The following MRC1 variants were observed in gnomAD, a reference collection of about 807,000 sequenced individuals.
The protein encoded by MRC1 is mannose receptor C-type 1.
A neutral mutation model predicts 102.9 loss-of-function variants in MRC1; 62 were observed. That is an observed-to-expected ratio of 0.60 (90% CI 0.49 to 0.74). The LOEUF is 0.74. Ranked by LOEUF, MRC1 falls within the 30% of genes least tolerant of loss-of-function variation. The pLI is 0.00. For missense variants in MRC1, 1,237 were observed against 862.8 expected (o/e 1.43, Z -5.43); for synonymous variants, 457 against 298.4 (o/e 1.53, Z -5.48).
chr10:17,873,129 C>T (rs1226210052), intron 15 of MRC1, among the ~76,000 whole-genome samples: 1 of 152,102 alleles, frequency 6.6e-6, no homozygotes, highest in East Asian at 1.9e-4. Flanking sequence ...AGCTAGGTAA[C>T]CTGAGTCCCT....
At chr10:17,876,975 T>C (rs1833445379) in intron 17 of MRC1, among the ~76,000 whole-genome samples, 1 of 151,952 alleles carries the variant, frequency 6.6e-6, no homozygotes, top group Non-Finnish European at 1.5e-5. Flanking sequence ...TCATTTGATT[T>C]ATAAAGGTAC....
intron 23 of MRC1, among the ~76,000 whole-genome samples, chr10:17,895,151 G>T (rs1180485894): frequency 6.6e-6 from 1 of 152,076 alleles, no homozygotes; most frequent in Non-Finnish European, 1.5e-5. Flanking sequence ...AGAGGCTGAG[G>T]CTACAGTGAG....
At chr10:17,836,703 G>T (rs1162821959) in intron 4 of MRC1, among the ~76,000 whole-genome samples, 2 of 152,048 alleles carry the variant, frequency 1.3e-5, no homozygotes, top group African/African-American at 4.8e-5. Context: ...GGGCACGGTG[G>T]CAGGCTCCTG....
rs913283527 is a variant in MRC1 at position 17,835,090 on chromosome 10, C to T, written c.802+1251C>T. On this transcript the variant is annotated intron_variant, in intron 4 of 29. Transcript: ENST00000569591. ...CCGGTCTTGCATTTTGCGGTCACAA[C>T]AAAAGAAAAGTCAGTCTTGGATTCC... 2.5e-3 allele frequency among the ~76,000 whole-genome samples: 388 copies of T among 152,328 alleles called. 2 individuals carry two copies. The highest frequency in any genetic ancestry group is 9.1e-3 in the African/African-American group (377 of 41,558).
intron 14 of MRC1, among the ~76,000 whole-genome samples, chr10:17,871,462 C>T (rs1833353641): frequency 1.3e-5 from 2 of 152,302 alleles, no homozygotes; most frequent in South Asian, 2.1e-4. Flanking sequence ...AGGACCTAGA[C>T]CCAGGGCCTC....
At chr10:17,882,983 T>C (rs1212894906) in intron 21 of MRC1, among the ~76,000 whole-genome samples, 3 of 152,200 alleles carry the variant, frequency 2.0e-5, no homozygotes, top group African/African-American at 7.2e-5. Flanking sequence ...GCACACGTAG[T>C]TGAATTCTTA....
At chr10:17,874,420 GTTAC>G (rs1833398060) in intron 16 of MRC1, among the ~76,000 whole-genome samples, 1 of 152,034 alleles carries the variant, frequency 6.6e-6, no homozygotes, top group Admixed American at 6.6e-5. Context: ...AAGGATACTT[GTTAC>G]TACATTTAGG....
At chr10:17,864,639 G>A (rs1283620317) in intron 11 of MRC1, among the ~76,000 whole-genome samples, 2 of 151,832 alleles carry the variant, frequency 1.3e-5, no homozygotes, top group South Asian at 2.1e-4. Context: ...GACTAGCCTG[G>A]CCAACATAGG....
chr10:17,821,041 G>A (rs940446358), intron 1 of MRC1, among the ~76,000 whole-genome samples: 4 of 152,112 alleles, frequency 2.6e-5, no homozygotes, highest in African/African-American at 7.2e-5. Flanking sequence ...ATTGGGATAG[G>A]TATTGCATGT....
chr10:17,900,023 G>A (rs997062498), intron 24 of MRC1, among the ~76,000 whole-genome samples: 45 of 151,648 alleles, frequency 3.0e-4, no homozygotes, highest in African/African-American at 9.4e-4. Flanking sequence ...ATTTGAACCC[G>A]GGAGGTGGAG....
chr10:17,893,125 CTCAGCCCTTCCT>C (rs1833703969), intron 22 of MRC1, among the ~76,000 whole-genome samples: 3 of 151,950 alleles, frequency 2.0e-5, no homozygotes, highest in African/African-American at 7.3e-5. Flanking sequence ...TCTGGCTTCC[CTCAGCCCTTCCT>C]TCCCTCCCTC....
chr10:17,847,024 T>C (rs368174648), intron 6 of MRC1, among the ~76,000 whole-genome samples: 32,815 of 152,156 alleles, frequency 0.22, 3,758 homozygotes, highest in Non-Finnish European at 0.25. Flanking sequence ...TAAATAGATA[T>C]AGATGCGGGA....
chr10:17,813,682 TTATA>T (rs1160018461), intron 1 of MRC1, among the ~76,000 whole-genome samples: 40 of 124,040 alleles, frequency 3.2e-4, no homozygotes, highest in African/African-American at 7.9e-4. Flanking sequence ...CACACACACA[TTATA>T]TATATATATA....
At chr10:17,815,427 G>C (rs548893943) in intron 1 of MRC1, among the ~76,000 whole-genome samples, 1 of 152,164 alleles carries the variant, frequency 6.6e-6, no homozygotes, top group African/African-American at 2.4e-5. Context: ...TATCTTAAGG[G>C]GGATCTGGGG....
chr10:17,896,756 C>A (rs1370335073), intron 23 of MRC1, among the ~76,000 whole-genome samples: 1 of 151,956 alleles, frequency 6.6e-6, no homozygotes, highest in African/African-American at 2.4e-5. Context: ...CAGAACAAGA[C>A]CCTGACTCTA....
At chr10:17,852,659 T>A (rs540375174) in intron 7 of MRC1, among the ~76,000 whole-genome samples, 162 of 152,360 alleles carry the variant, frequency 1.1e-3, no homozygotes, top group African/African-American at 3.8e-3. Flanking sequence ...GTAATAGACC[T>A]ACCTCAATTT....
At chr10:17,824,526 G>A (rs1838444837) in intron 2 of MRC1, among the ~76,000 whole-genome samples, 3 of 152,178 alleles carry the variant, frequency 2.0e-5, no homozygotes, top group Non-Finnish European at 4.4e-5. Flanking sequence ...CACAGAAGAA[G>A]GGAGAGTAGG....
chr10:17,846,494 G>T (rs1838827785), intron 6 of MRC1, among the ~76,000 whole-genome samples: 1 of 151,896 alleles, frequency 6.6e-6, no homozygotes, highest in South Asian at 2.1e-4. Context: ...TTTAAAATAC[G>T]CTTGACATAG....
chr10:17,889,657 A>G (rs1362935332), intron 22 of MRC1, among the ~76,000 whole-genome samples: 4 of 152,230 alleles, frequency 2.6e-5, no homozygotes, highest in African/African-American at 9.6e-5. Flanking sequence ...TTCAAACAGC[A>G]CATAAGAAAG....
Sources: gnomAD v4.1 joint callset for allele counts (sites outside exome capture counted in the v4.1 genomes callset) on GRCh38, gnomAD v4.1.1 for gene constraint, MANE v1.5 for transcripts, NCBI Gene and HGNC (gene_info 2026-07-23, HGNC 2026-07-21) for gene names.